TMTC1: variants seen among roughly 807,000 people sequenced by gnomAD.
TMTC1 encodes protein O-mannosyl-transferase TMTC1.
A neutral mutation model predicts 104.8 loss-of-function variants in TMTC1; 73 were observed. That is an observed-to-expected ratio of 0.70 (90% CI 0.58 to 0.85). TMTC1 has a LOEUF of 0.85. TMTC1 is among the 40% of genes least tolerant of loss of function. TMTC1 has a pLI of 0.00. For missense variants in TMTC1, 1,035 were observed against 1,096.1 expected (o/e 0.94, Z 0.79); for synonymous variants, 434 against 428.7 (o/e 1.01, Z -0.15).
chr12:29,629,137 G>A (rs1938161276), intron 6 of TMTC1, among the ~76,000 whole-genome samples: 1 of 151,732 alleles, frequency 6.6e-6, no homozygotes, highest in South Asian at 2.1e-4. Flanking sequence ...GGCTAACACA[G>A]TGAAACCCCG....
chr12:29,570,164 TA>T (rs1945627915), intron 9 of TMTC1, among the ~76,000 whole-genome samples: 1 of 151,768 alleles, frequency 6.6e-6, no homozygotes, highest in African/African-American at 2.4e-5. Context: ...GAATGCCATC[TA>T]AAATTGATAA....
intron 2 of TMTC1, among the ~76,000 whole-genome samples, chr12:29,759,359 T>TG (rs1943291539): frequency 6.6e-6 from 1 of 152,074 alleles, no homozygotes; most frequent in African/African-American, 2.4e-5. Flanking sequence ...TAGCCACGCA[T>TG]GGTGGCACAT....
intron 10 of TMTC1, among the ~76,000 whole-genome samples, chr12:29,550,394 G>T (rs1184075164): frequency 1.3e-5 from 2 of 152,190 alleles, no homozygotes; most frequent in East Asian, 3.9e-4. Flanking sequence ...GCAGGAAAGA[G>T]GGAGCAGGAG....
chr12:29,697,193 ATACAGGTTCCAC>A, intron 5 of TMTC1, among the ~76,000 whole-genome samples: 1 of 152,240 alleles, frequency 6.6e-6, no homozygotes, highest in African/African-American at 2.4e-5. Flanking sequence ...CCTAGTCTGA[ATACAGGTTCCAC>A]TACATACTAC....
Position 29,518,526 on chromosome 12 carries a change from C to T in TMTC1, c.1970G>A (p.Gly657Glu). Residue 657 changes from glycine to glutamate, a missense_variant, in exon 13 of 18, where the codon GGA becomes GAA. By Grantham distance (98) the Gly-to-Glu change is moderately conservative. Coordinates refer to ENST00000539277, the MANE Select transcript of TMTC1 (RefSeq NM_001193451.2). Reference protein sequence around the residue: ...PSHHVAMVNLGRLYRSLGENS... With the variant: ...PSHHVAMVNLERLYRSLGENS... ...CTCTCCCAGTGACCTGTAGAGTCTT[C>T]CCAAGTTCACCATGGCCACGTGATG... 1 of 1,614,124 alleles carries T rather than the reference C, an allele frequency of 6.2e-7. No individual in the cohort carries two copies. Among genetic ancestry groups the T allele is most frequent in the Non-Finnish European group, 8.5e-7 (1 of 1,180,004 alleles).
At chr12:29,742,806 T>C (rs959308453) in intron 5 of TMTC1, among the ~76,000 whole-genome samples, 2 of 152,206 alleles carry the variant, frequency 1.3e-5, no homozygotes, top group Non-Finnish European at 2.9e-5. Flanking sequence ...GGACTGGCCA[T>C]CATTGCTACA....
intron 5 of TMTC1, among the ~76,000 whole-genome samples, chr12:29,742,198 C>T (rs973221819): frequency 2.0e-5 from 3 of 152,160 alleles, no homozygotes; most frequent in Non-Finnish European, 4.4e-5. Flanking sequence ...ATGTCTAGCT[C>T]TTAACAAAAG....
At position 29,594,711 on chromosome 12, in the gene TMTC1, G is replaced by A. The variant is rs149196702; in HGVS notation, c.1250+9467C>T. ...ACTTAGGTCCACCCACATCCTCCCC[G>A]CAAAGTTACGGCCCACTTTGTAGGG... On this transcript the variant is annotated intron_variant, in intron 7 of 17. Coordinates refer to ENST00000539277, the MANE Select transcript of TMTC1 (RefSeq NM_001193451.2). 3.0e-3 allele frequency among the ~76,000 whole-genome samples: 454 copies of A among 152,286 alleles called. 5 individuals carry two copies. Among genetic ancestry groups the A allele is most frequent in the African/African-American group, 9.3e-3 (388 of 41,556 alleles).
chr12:29,673,947 C>T (rs2136690784), intron 5 of TMTC1, among the ~76,000 whole-genome samples: 2 of 151,894 alleles, frequency 1.3e-5, no homozygotes, highest in South Asian at 4.2e-4. Context: ...CTAGTAGAGA[C>T]AGGGTTTCTC....
chr12:29,700,829 C>T (rs1409526031), intron 5 of TMTC1, among the ~76,000 whole-genome samples: 19 of 152,154 alleles, frequency 1.2e-4, no homozygotes, highest in Non-Finnish European at 4.4e-5. Context: ...TGATGTCTCA[C>T]AGCCAATGCC....
intron 11 of TMTC1, among the ~76,000 whole-genome samples, chr12:29,522,766 T>C (rs924353993): frequency 9.2e-5 from 14 of 152,354 alleles, no homozygotes; most frequent in African/African-American, 3.1e-4. Flanking sequence ...TGGATTCAAA[T>C]CCAAGCCCCA....
At chr12:29,704,737 C>G (rs1941692768) in intron 5 of TMTC1, among the ~76,000 whole-genome samples, 1 of 152,068 alleles carries the variant, frequency 6.6e-6, no homozygotes. Flanking sequence ...GCTGACAGCA[C>G]ATGTGTTATG....
chr12:29,693,560 A>G (rs941504603), intron 5 of TMTC1, among the ~76,000 whole-genome samples: 8 of 152,110 alleles, frequency 5.3e-5, no homozygotes, highest in African/African-American at 1.9e-4. Flanking sequence ...ATTAATAACT[A>G]CTATTCTACT....
At position 29,549,047 on chromosome 12, in the gene TMTC1, T is replaced by C. The variant is rs187026834; in HGVS notation, c.1676+7810A>G. ...GTTATATATTTATATATTATTTATATAAATAAATATATATTTACCCAAGAA... is the reference window on the plus strand; with the variant it reads ...GTTATATATTTATATATTATTTATACAAATAAATATATATTTACCCAAGAA... On this transcript the variant is annotated intron_variant, in intron 10 of 17. Coordinates refer to ENST00000539277, the MANE Select transcript of TMTC1 (RefSeq NM_001193451.2). 4.7e-3 allele frequency among the ~76,000 whole-genome samples: 688 copies of C among 146,108 alleles called. 12 individuals are homozygous for C. The highest frequency in any genetic ancestry group is 0.032 in the Admixed American group (457 of 14,338).
chr12:29,741,984 C>A lies in TMTC1; in HGVS notation c.938+9682G>T, dbSNP rs191624660. ...AAGAGACCACTTTTTAAAATCAAAG[C>A]TTTTTTCCATCATAATTGCAGTGTG... On this transcript the variant is annotated intron_variant, in intron 5 of 17. Transcript: ENST00000539277. Among the ~76,000 whole-genome samples, 804 of 152,208 alleles carry A rather than the reference C, an allele frequency of 5.3e-3. 5 individuals are homozygous for A. The highest frequency in any genetic ancestry group is 8.3e-3 in the Non-Finnish European group (567 of 68,000).
chr12:29,562,413 T>C (rs2136276092), intron 9 of TMTC1, among the ~76,000 whole-genome samples: 1 of 152,306 alleles, frequency 6.6e-6, no homozygotes, highest in Admixed American at 6.5e-5. Flanking sequence ...GGCTCTTGAG[T>C]GCCCTTAGGA....
chr12:29,673,744 C>CTTTTTTTTTTTTTTTTTTTT (rs146463669), intron 5 of TMTC1, among the ~76,000 whole-genome samples: 11 of 95,734 alleles, frequency 1.1e-4, no homozygotes, highest in Non-Finnish European at 1.3e-4. Context: ...AGAGGGACTT[C>CTTTTTTTTTTTTTTTTTTTT]TTTTTTTTTT....
intron 6 of TMTC1, among the ~76,000 whole-genome samples, chr12:29,622,597 G>A (rs1173123201): frequency 6.6e-6 from 1 of 152,214 alleles, no homozygotes; most frequent in Non-Finnish European, 1.5e-5. Context: ...TTCAGCCTTT[G>A]TGGCTTAAAT....
intron 11 of TMTC1, among the ~76,000 whole-genome samples, chr12:29,522,738 T>TC (rs1336538934): frequency 6.6e-6 from 1 of 152,148 alleles, no homozygotes; most frequent in African/African-American, 2.4e-5. Flanking sequence ...AGAACGAGGC[T>TC]CCCAAGATTT....
Sources: allele counts gnomAD v4.1 joint callset (sites outside exome capture counted in the v4.1 genomes callset), GRCh38; gene constraint gnomAD v4.1.1; transcripts MANE v1.5; gene names NCBI Gene and HGNC (gene_info 2026-07-23, HGNC 2026-07-21).